PLEKHA2: variants seen among roughly 807,000 people sequenced by gnomAD.
PLEKHA2 encodes pleckstrin homology domain-containing family A member 2.
Under a neutral mutation model 53.2 loss-of-function variants are expected in PLEKHA2, and 28 were observed. The observed-to-expected ratio is 0.53, with a 90% CI of 0.39 to 0.72. The LOEUF is 0.72. PLEKHA2 is among the 30% of genes least tolerant of loss of function. PLEKHA2 has a pLI of 0.00. For missense variants in PLEKHA2, 426 were observed against 537.9 expected (o/e 0.79, Z 2.06); for synonymous variants, 193 against 196.4 (o/e 0.98, Z 0.14).
intron 1 of PLEKHA2, among the ~76,000 whole-genome samples, chr8:38,917,020 T>C (rs1307171620): frequency 6.6e-6 from 1 of 152,248 alleles, no homozygotes; most frequent in African/African-American, 2.4e-5. Context: ...TCTCTGGTGA[T>C]CAATGATGTC....
chr8:38,906,007 A>G (rs1016228046), intron 1 of PLEKHA2, among the ~76,000 whole-genome samples: 1 of 152,154 alleles, frequency 6.6e-6, no homozygotes, highest in Non-Finnish European at 1.5e-5. Flanking sequence ...TTTTCTTTTC[A>G]TTCTCTTAAC....
intron 10 of PLEKHA2, among the ~76,000 whole-genome samples, chr8:38,959,369 G>A (rs1363453451): frequency 2.0e-5 from 3 of 152,174 alleles, no homozygotes; most frequent in Non-Finnish European, 4.4e-5. Flanking sequence ...AGTTAGGCAC[G>A]GAGGACCCTC....
Position 38,946,104 on chromosome 8 carries a change from CT to C in PLEKHA2, c.248-16del. The C allele has an allele frequency of 6.3e-7, 1 of 1,577,646 alleles. No individual in the cohort carries two copies. The highest frequency in any genetic ancestry group is 1.1e-5 in the South Asian group (1 of 87,134). On this transcript the variant is annotated intron_variant, in intron 4 of 11. Coordinates refer to ENST00000617275, the MANE Select transcript of PLEKHA2 (RefSeq NM_021623.2). ...TTCTGACCTAGGAATGTCTTCCCTT[CT>C]TTTCTGTGGCTTTTGTAGTTATCAA...
intron 10 of PLEKHA2, among the ~76,000 whole-genome samples, chr8:38,964,643 T>C (rs1287663585): frequency 6.6e-6 from 1 of 151,972 alleles, no homozygotes; most frequent in East Asian, 1.9e-4. Flanking sequence ...GTATATCTAC[T>C]TGGATCCCCT....
At chr8:38,912,477 C>G (rs191474879) in intron 1 of PLEKHA2, among the ~76,000 whole-genome samples, 2 of 152,188 alleles carry the variant, frequency 1.3e-5, no homozygotes, top group African/African-American at 4.8e-5. Context: ...TACTGGCACT[C>G]CCCTTTCTCC....
In PLEKHA2 at chr8:38,939,922, C is replaced by CA. The variant is rs1033061449; in HGVS notation, c.199-3859dup. Among the ~76,000 whole-genome samples, 12 of 151,310 alleles carry CA rather than the reference C, an allele frequency of 7.9e-5. 1 individual carries two copies. The highest frequency in any genetic ancestry group is 2.9e-4 in the African/African-American group (12 of 41,222). On this transcript the variant is annotated intron_variant, in intron 3 of 11. Transcript: ENST00000617275. ...GTAACATAGCGAGACCCTGTCTCTA[C>CA]AAAAAAAATTTAAAAAATAAAATTT...
chr8:38,927,403 C>T (rs900438992), intron 2 of PLEKHA2, among the ~76,000 whole-genome samples: 10 of 151,964 alleles, frequency 6.6e-5, no homozygotes, highest in East Asian at 1.9e-4. Flanking sequence ...GTACTTGGGA[C>T]GCTGAGGTGG....
chr8:38,903,782 C>CT (rs1215182419), intron 1 of PLEKHA2, among the ~76,000 whole-genome samples: 2 of 152,188 alleles, frequency 1.3e-5, no homozygotes, highest in African/African-American at 4.8e-5. Context: ...CAGAATATCT[C>CT]TTCTGATTCA....
chr8:38,918,618 TAC>T (rs1212774890), intron 2 of PLEKHA2, among the ~76,000 whole-genome samples: 14 of 4,500 alleles, frequency 3.1e-3, no homozygotes, highest in African/African-American at 6.3e-3. Context: ...ACACAAGCCA[TAC>T]ACACACACCA....
intron 10 of PLEKHA2, among the ~76,000 whole-genome samples, chr8:38,963,496 T>C (rs1238538629): frequency 6.6e-6 from 1 of 152,216 alleles, no homozygotes; most frequent in East Asian, 1.9e-4. Flanking sequence ...AAAATAGATA[T>C]GTACATAACC....
At chr8:38,948,949 C>T (rs1288937292) in intron 5 of PLEKHA2, among the ~76,000 whole-genome samples, 2 of 152,138 alleles carry the variant, frequency 1.3e-5, no homozygotes, top group Non-Finnish European at 2.9e-5. Flanking sequence ...CGGCTCACTG[C>T]AACCTCTGCC....
intron 1 of PLEKHA2, among the ~76,000 whole-genome samples, chr8:38,916,281 T>A (rs1425848273): frequency 6.6e-6 from 1 of 152,180 alleles, no homozygotes; most frequent in Admixed American, 6.5e-5. Flanking sequence ...CTGGCCTCTT[T>A]TAGTTATTTT....
chr8:38,943,881 G>A, intron 4 of PLEKHA2, 44 bp downstream of exon 4: 1 of 1,485,098 alleles, frequency 6.7e-7, no homozygotes. Context: ...TATTGACATG[G>A]CAACTTCCTC....
Position 38,952,665 on chromosome 8 carries a change from A to T in PLEKHA2, c.663A>T (p.Ala221=), listed in dbSNP as rs1458471213. 6 of 1,611,388 alleles carry T rather than the reference A, an allele frequency of 3.7e-6. No homozygotes were observed. Among genetic ancestry groups the T allele is most frequent in the Admixed American group, 1.7e-5 (1 of 60,016 alleles). Residue 221 remains alanine, a synonymous_variant, in exon 8 of 12, where the codon GCA becomes GCT. Transcript: ENST00000617275. ...AGAGCTGGAAACGTCGCTTCTTTGC[A>T]CTTGATGACTTTACCATCTGCTACT... is the stretch of plus-strand genomic sequence containing the variant. ...VRKSWKRRFF[A]LDDFTICYFK...
At chr8:38,905,957 T>C (rs1833866956) in intron 1 of PLEKHA2, among the ~76,000 whole-genome samples, 1 of 152,248 alleles carries the variant, frequency 6.6e-6, no homozygotes. Flanking sequence ...GTGCTGGGAT[T>C]TCAGGCGTGA....
At chr8:38,946,844 A>G (rs540116605) in intron 5 of PLEKHA2, among the ~76,000 whole-genome samples, 31 of 152,328 alleles carry the variant, frequency 2.0e-4, no homozygotes, top group Non-Finnish European at 4.0e-4. Context: ...ATGTTTTGGA[A>G]AAAACTAGAC....
rs1365986163 is a variant in PLEKHA2, at chr8:38,973,450, G to GT, written c.*3670dup. On this transcript the variant is annotated 3_prime_UTR_variant, in exon 12 of 12. Coordinates refer to ENST00000617275, the MANE Select transcript of PLEKHA2 (RefSeq NM_021623.2). Reference sequence around the variant, plus strand: ...GTAGTTGAGGAGTGGAGTTTAGTAGGTTTGTTTTCAGTATAAATTAGATAA... The same window carrying GT: ...GTAGTTGAGGAGTGGAGTTTAGTAGGTTTTGTTTTCAGTATAAATTAGATAA... The GT allele has an allele frequency of 1.3e-5, 2 of 151,832 alleles. No homozygotes were observed. The highest frequency in any genetic ancestry group is 2.9e-5 in the Non-Finnish European group (2 of 67,980). The allele number at this position is 151,832 out of a possible 1,614,324, so 9.4% of individuals were successfully genotyped here.
chr8:38,948,311 C>T (rs904613545), intron 5 of PLEKHA2, among the ~76,000 whole-genome samples: 2 of 152,126 alleles, frequency 1.3e-5, no homozygotes, highest in Non-Finnish European at 1.5e-5. Context: ...AGGAGTCAGG[C>T]AGTCCTAGAG....
At chr8:38,915,936 C>T (rs1015358618) in intron 1 of PLEKHA2, among the ~76,000 whole-genome samples, 9 of 152,238 alleles carry the variant, frequency 5.9e-5, no homozygotes, top group African/African-American at 1.7e-4. Flanking sequence ...GTATTCATCC[C>T]CTTCAGCATT....
Sources: gnomAD v4.1 joint callset for allele counts (sites outside exome capture counted in the v4.1 genomes callset) on GRCh38, gnomAD v4.1.1 for gene constraint, MANE v1.5 for transcripts, NCBI Gene and HGNC (gene_info 2026-07-23, HGNC 2026-07-21) for gene names.